Variants in GTF2IRD1 observed in about 807,000 individuals in gnomAD.
The protein encoded by GTF2IRD1 is general transcription factor II-I repeat domain-containing protein 1.
A neutral mutation model predicts 113.2 loss-of-function variants in GTF2IRD1; 26 were observed. The ratio of observed to expected loss-of-function variants is 0.23; its 90% CI spans 0.17 to 0.32. The LOEUF is 0.32. Among genes scored for constraint, GTF2IRD1 ranks in the 10% least tolerant of loss-of-function variants. The pLI is 1.00. For missense variants in GTF2IRD1, 864 were observed against 1,280.8 expected (o/e 0.67, Z 4.97); for synonymous variants, 484 against 529.1 (o/e 0.91, Z 1.17).
At chr7:74,559,767 C>G in intron 22 of GTF2IRD1, 112 bp downstream of exon 22, 1 of 822,522 alleles carries the variant, frequency 1.2e-6, no homozygotes, top group Non-Finnish European at 1.8e-6. Flanking sequence ...GGAACAGAAG[C>G]CAGGCCCCTG....
At chr7:74,516,067 G>A (rs1796912458) in intron 4 of GTF2IRD1, among the ~76,000 whole-genome samples, 1 of 152,212 alleles carries the variant, frequency 6.6e-6, no homozygotes, top group South Asian at 2.1e-4. Context: ...AGGTGACAGG[G>A]CCCTACTGAC....
chr7:74,479,317 C>T (rs1246905677), intron 1 of GTF2IRD1, among the ~76,000 whole-genome samples: 2 of 152,172 alleles, frequency 1.3e-5, no homozygotes, highest in African/African-American at 4.8e-5. Flanking sequence ...GCCCTGCACA[C>T]TCCAGCCATG....
chr7:74,535,518 G>A (rs1413787026), intron 10 of GTF2IRD1, among the ~76,000 whole-genome samples: 9 of 152,202 alleles, frequency 5.9e-5, no homozygotes, highest in African/African-American at 1.7e-4. Flanking sequence ...ACAGAGGAAC[G>A]GAAGCCCAGC....
intron 1 of GTF2IRD1, among the ~76,000 whole-genome samples, chr7:74,499,694 A>T (rs1401903846): frequency 6.6e-6 from 1 of 152,222 alleles, no homozygotes; most frequent in Non-Finnish European, 1.5e-5. Flanking sequence ...GAATGCACAC[A>T]TGAATGAATG....
At chr7:74,547,855 C>T (rs1554353827) in intron 17 of GTF2IRD1, among the ~76,000 whole-genome samples, 3 of 151,462 alleles carry the variant, frequency 2.0e-5, no homozygotes, top group Admixed American at 6.6e-5. Context: ...CCAAAGCCAC[C>T]GAACTGACCC....
intron 22 of GTF2IRD1, among the ~76,000 whole-genome samples, chr7:74,574,222 G>A (rs963946508): frequency 1.4e-5 from 2 of 140,342 alleles, no homozygotes; most frequent in East Asian, 2.1e-4. Context: ...GGCTGGTCTC[G>A]AACTCCTGAC....
At chr7:74,598,715 C>T (rs781877881) in intron 25 of GTF2IRD1, among the ~76,000 whole-genome samples, 4 of 152,132 alleles carry the variant, frequency 2.6e-5, no homozygotes, top group Non-Finnish European at 4.4e-5. Flanking sequence ...CTGTCACCCA[C>T]ATCCACCACT....
At chr7:74,455,609 G>T (rs797026399) in intron 1 of GTF2IRD1, among the ~76,000 whole-genome samples, 8 of 152,306 alleles carry the variant, frequency 5.3e-5, no homozygotes, top group African/African-American at 1.9e-4. Flanking sequence ...GTAGTTAGGT[G>T]GCCGTCATGA....
chr7:74,582,979 C>CAA (rs5884952), intron 22 of GTF2IRD1, among the ~76,000 whole-genome samples: 32 of 139,276 alleles, frequency 2.3e-4, no homozygotes, highest in Admixed American at 6.4e-4. Context: ...CTGTCTCTAC[C>CAA]AAAAAAAAAA....
chr7:74,455,424 T>C (rs1326286098), intron 1 of GTF2IRD1, among the ~76,000 whole-genome samples: 1 of 152,206 alleles, frequency 6.6e-6, no homozygotes, highest in Non-Finnish European at 1.5e-5. Flanking sequence ...TGGCCAGGAC[T>C]GTTGACTCCT....
intron 8 of GTF2IRD1, 118 bp downstream of exon 8, chr7:74,524,272 G>T (rs999714956): frequency 4.4e-5 from 28 of 643,518 alleles, no homozygotes; most frequent in South Asian, 2.7e-4. Flanking sequence ...GCTCCCGCGC[G>T]CCGGCACCGC....
chr7:74,565,471 G>A (rs1458614903), intron 22 of GTF2IRD1, among the ~76,000 whole-genome samples: 6 of 152,120 alleles, frequency 3.9e-5, no homozygotes, highest in African/African-American at 1.4e-4. Flanking sequence ...GTTGCAGTGA[G>A]CCAAGATCGC....
chr7:74,569,558 G>T (rs1391119149), intron 22 of GTF2IRD1, among the ~76,000 whole-genome samples: 3 of 152,206 alleles, frequency 2.0e-5, no homozygotes, highest in Non-Finnish European at 4.4e-5. Context: ...GCTTTATTTT[G>T]TGGCACTGGC....
At chr7:74,524,045 CA>C in intron 7 of GTF2IRD1, 25 bp from the exon 8 acceptor site, 1 of 1,547,496 alleles carries the variant, frequency 6.5e-7, no homozygotes, top group Non-Finnish European at 8.9e-7. Flanking sequence ...GGGCCCTGCT[CA>C]CTTGTGCCTC....
chr7:74,480,628 C>A (rs1309747166), intron 1 of GTF2IRD1, among the ~76,000 whole-genome samples: 2 of 152,240 alleles, frequency 1.3e-5, no homozygotes, highest in East Asian at 3.9e-4. Context: ...GAGCCAGGCT[C>A]AGGCTTTAAA....
chr7:74,548,283 A>G (rs1554353937), intron 17 of GTF2IRD1, among the ~76,000 whole-genome samples: 1 of 152,106 alleles, frequency 6.6e-6, no homozygotes, highest in Non-Finnish European at 1.5e-5. Context: ...TTAGTCAGGC[A>G]TGGTGGTGGG....
At chr7:74,568,353 A>G (rs1205185206) in intron 22 of GTF2IRD1, among the ~76,000 whole-genome samples, 3 of 150,068 alleles carry the variant, frequency 2.0e-5, no homozygotes, top group Non-Finnish European at 4.4e-5. Context: ...AAAAAAAAAA[A>G]AAGAAGGAGA....
At chr7:74,540,325 T>C (rs1352645109) in intron 14 of GTF2IRD1, among the ~76,000 whole-genome samples, 1 of 151,964 alleles carries the variant, frequency 6.6e-6, no homozygotes, top group Non-Finnish European at 1.5e-5. Flanking sequence ...TTTGTATTTT[T>C]AGTAGAGGCG....
chr7:74,497,175 A>G (rs1795781453), intron 1 of GTF2IRD1, among the ~76,000 whole-genome samples: 1 of 152,176 alleles, frequency 6.6e-6, no homozygotes, highest in Non-Finnish European at 1.5e-5. Context: ...AAAATAAAAT[A>G]AAATATAAAA....
Sources: gnomAD v4.1 joint callset for allele counts (sites outside exome capture counted in the v4.1 genomes callset) on GRCh38, gnomAD v4.1.1 for gene constraint, MANE v1.5 for transcripts, NCBI Gene and HGNC (gene_info 2026-07-23, HGNC 2026-07-21) for gene names.